SAMTOR: variants seen among roughly 807,000 people sequenced by gnomAD.
SAMTOR encodes the protein UPF0532 protein C7orf60.
the SAMTOR span, among the ~76,000 whole-genome samples, chr7:112,859,924 A>G: frequency 6.6e-5 from 10 of 152,226 alleles, no homozygotes; most frequent in Non-Finnish European, 1.3e-4. Flanking sequence ...CAGTGTTTAT[A>G]AAGTCTATAG....
chr7:112,939,678 G>T, the SAMTOR span: 4 of 1,613,032 alleles, frequency 2.5e-6, no homozygotes, highest in Admixed American at 6.7e-5. Context: ...TCCTGCTCCC[G>T]GGGCGGCGGA....
At chr7:112,860,414 T>A in the SAMTOR span, among the ~76,000 whole-genome samples, 1 of 152,150 alleles carries the variant, frequency 6.6e-6, no homozygotes, top group Non-Finnish European at 1.5e-5. Context: ...GAGCTTTCTG[T>A]TTGTTAAGGA....
chr7:112,913,380 G>A, the SAMTOR span, among the ~76,000 whole-genome samples: 4 of 152,186 alleles, frequency 2.6e-5, no homozygotes, highest in Non-Finnish European at 5.9e-5. Flanking sequence ...ATTAATCCTA[G>A]TACACTGTCC....
the SAMTOR span, among the ~76,000 whole-genome samples, chr7:112,846,464 A>G: frequency 2.0e-4 from 30 of 152,160 alleles, no homozygotes; most frequent in Non-Finnish European, 4.4e-5. Flanking sequence ...GAATTTATCT[A>G]TATAACAAAC....
chr7:112,860,709 A>AC, the SAMTOR span, among the ~76,000 whole-genome samples: 2 of 151,996 alleles, frequency 1.3e-5, no homozygotes, highest in Non-Finnish European at 2.9e-5. Context: ...GGAGATCGAG[A>AC]CCATCCAGGC....
the SAMTOR span, among the ~76,000 whole-genome samples, chr7:112,870,492 C>T: frequency 1.3e-5 from 2 of 152,082 alleles, no homozygotes; most frequent in South Asian, 2.1e-4. Flanking sequence ...GACAAGCAGT[C>T]GCTAAGAGAA....
the SAMTOR span, among the ~76,000 whole-genome samples, chr7:112,869,563 AT>A: frequency 7.9e-5 from 12 of 151,740 alleles, no homozygotes; most frequent in Non-Finnish European, 1.6e-4. Context: ...AAGCATAAAA[AT>A]TAAAAAAAAA....
chr7:112,851,905 T>C, the SAMTOR span, among the ~76,000 whole-genome samples: 9 of 152,228 alleles, frequency 5.9e-5, no homozygotes, highest in Middle Eastern at 3.4e-3. Context: ...GAAAAAATGT[T>C]CAACAACTCT....
the SAMTOR span, among the ~76,000 whole-genome samples, chr7:112,890,258 TACTG>T: frequency 6.6e-6 from 1 of 152,258 alleles, no homozygotes; most frequent in South Asian, 2.1e-4. Flanking sequence ...GTGGAAGCCT[TACTG>T]ACTGAGGTGT....
the SAMTOR span, among the ~76,000 whole-genome samples, chr7:112,869,868 C>A: frequency 6.6e-6 from 1 of 152,006 alleles, no homozygotes; most frequent in East Asian, 1.9e-4. Context: ...AAGAAAGAAC[C>A]AACCAGAACA....
chr7:112,925,029 A>C, the SAMTOR span, among the ~76,000 whole-genome samples: 1 of 152,224 alleles, frequency 6.6e-6, no homozygotes, highest in South Asian at 2.1e-4. Flanking sequence ...AGTTCATTTA[A>C]GACATACAGT....
At chr7:112,928,333 A>T in the SAMTOR span, among the ~76,000 whole-genome samples, 1 of 151,818 alleles carries the variant, frequency 6.6e-6, no homozygotes, top group African/African-American at 2.4e-5. Flanking sequence ...TTTTTCCTTC[A>T]AAATGTAACT....
the SAMTOR span, chr7:112,939,506 T>C: frequency 6.3e-7 from 1 of 1,595,820 alleles, no homozygotes; most frequent in East Asian, 2.2e-5. Flanking sequence ...ATTTTAATGG[T>C]GGCCTCTTTG....
the SAMTOR span, among the ~76,000 whole-genome samples, chr7:112,850,550 A>G: frequency 1.3e-5 from 2 of 152,006 alleles, no homozygotes; most frequent in African/African-American, 2.4e-5. Context: ...TTTTGTTGGG[A>G]GAGTTTTTAC....
the SAMTOR span, among the ~76,000 whole-genome samples, chr7:112,916,790 T>A: frequency 6.6e-6 from 1 of 152,204 alleles, no homozygotes; most frequent in Non-Finnish European, 1.5e-5. Context: ...CAGGAGATTA[T>A]ATCCCACACC....
At chr7:112,829,388 A>G in the SAMTOR span, among the ~76,000 whole-genome samples, 8 of 152,314 alleles carry the variant, frequency 5.3e-5, no homozygotes, top group African/African-American at 7.2e-5. Flanking sequence ...ACTGTATTGA[A>G]GCATAACACA....
At chr7:112,906,246 G>A in the SAMTOR span, among the ~76,000 whole-genome samples, 1 of 152,280 alleles carries the variant, frequency 6.6e-6, no homozygotes, top group African/African-American at 2.4e-5. Context: ...ACTGAATACT[G>A]TAGGCCACTG....
the SAMTOR span, among the ~76,000 whole-genome samples, chr7:112,833,469 T>C: frequency 3.3e-5 from 5 of 152,216 alleles, no homozygotes; most frequent in African/African-American, 7.2e-5. Context: ...GCCTAGTACA[T>C]GGTAAGTGCT....
chr7:112,838,680 A>G, the SAMTOR span, among the ~76,000 whole-genome samples: 1 of 151,858 alleles, frequency 6.6e-6, no homozygotes, highest in African/African-American at 2.4e-5. Context: ...AGGAAAACCA[A>G]TAATTCAATA....
Sources: allele counts gnomAD v4.1 joint callset (sites outside exome capture counted in the v4.1 genomes callset), GRCh38; gene constraint gnomAD v4.1.1; transcripts MANE v1.5; gene names NCBI Gene and HGNC (gene_info 2026-07-23, HGNC 2026-07-21).